Variants in SMARCC1 observed in about 807,000 individuals in gnomAD.
SMARCC1 encodes SWI/SNF complex subunit SMARCC1.
In SMARCC1, 43 loss-of-function variants were observed where a neutral mutation model predicts 147.4. That is an observed-to-expected ratio of 0.29 (90% confidence interval 0.23 to 0.38). The LOEUF is 0.38. Among genes scored for constraint, SMARCC1 ranks in the 10% least tolerant of loss-of-function variants. The pLI, the probability that SMARCC1 is intolerant of heterozygous loss-of-function variation, is 1.00. For synonymous variants in SMARCC1, 495 were observed against 484.4 expected, an observed-to-expected ratio of 1.02 and a Z score of -0.29; for missense variants, 1,119 against 1,381.1, an observed-to-expected ratio of 0.81 and a Z score of 3.01.
At position 47,635,989 on chromosome 3, in the gene SMARCC1, CATA is replaced by C. The variant is rs780452506; in HGVS notation, c.2491+30_2491+32del. ...TTCTCCAGTGCCTTTTACAGTTTTA[CATA>C]ATAATATCTAAGGAGTTTCCTCAAA... is the stretch of plus-strand genomic sequence containing the variant. On this transcript the variant is annotated intron_variant, in intron 23 of 27. Coordinates refer to ENST00000254480, the MANE Select transcript of SMARCC1 (RefSeq NM_003074.4). The C allele has an allele frequency of 2.0e-4, 208 of 1,022,696 alleles. 1 individual carries two copies. In the East Asian group the frequency reaches 4.6e-3, roughly 23 times the overall value. 63.4% of individuals were successfully genotyped at this position (1,022,696 alleles called of 1,614,324 possible).
chr3:47,694,286 G>T (rs931232644), intron 11 of SMARCC1, among the ~76,000 whole-genome samples: 1 of 152,130 alleles, frequency 6.6e-6, no homozygotes, highest in East Asian at 1.9e-4. Context: ...GCAACTAGAG[G>T]TACACATTTT....
At chr3:47,740,482 A>C (rs1007633946) in intron 3 of SMARCC1, among the ~76,000 whole-genome samples, 1 of 151,636 alleles carries the variant, frequency 6.6e-6, no homozygotes, top group Non-Finnish European at 1.5e-5. Context: ...GGTGTGAGCC[A>C]CTATGCCTGG....
chr3:47,634,389 A>T (rs1381812523), intron 24 of SMARCC1, among the ~76,000 whole-genome samples: 1 of 152,228 alleles, frequency 6.6e-6, no homozygotes, highest in African/African-American at 2.4e-5. Context: ...TTAAACACTT[A>T]GAGAAGTAGT....
intron 8 of SMARCC1, 23 bp from the exon 9 acceptor site, chr3:47,710,831 A>G (rs748400604): frequency 6.3e-6 from 10 of 1,582,120 alleles, no homozygotes; most frequent in South Asian, 1.2e-5. Flanking sequence ...CAAAGCATCA[A>G]TATCTACATA....
intron 2 of SMARCC1, among the ~76,000 whole-genome samples, chr3:47,765,492 T>C (rs947103535): frequency 6.6e-6 from 1 of 152,068 alleles, no homozygotes; most frequent in African/African-American, 2.4e-5. Context: ...AACTAAACCA[T>C]TATTCCACAA....
chr3:47,600,485 T>C (rs553730141), intron 26 of SMARCC1, among the ~76,000 whole-genome samples: 1 of 152,144 alleles, frequency 6.6e-6, no homozygotes, highest in Non-Finnish European at 1.5e-5. Context: ...AGTAAGATGA[T>C]GGTAAGGGCC....
intron 26 of SMARCC1, among the ~76,000 whole-genome samples, chr3:47,599,146 G>A (rs568108739): frequency 1.3e-5 from 2 of 152,148 alleles, no homozygotes; most frequent in South Asian, 2.1e-4. Flanking sequence ...CAGCACTTTG[G>A]GGGGCTGAGG....
chr3:47,754,207 CTTTT>C (rs35175630), intron 2 of SMARCC1, among the ~76,000 whole-genome samples: 1 of 144,792 alleles, frequency 6.9e-6, no homozygotes. Flanking sequence ...GAACTTTACT[CTTTT>C]TTTTTTTTTT....
At chr3:47,699,577 T>C (rs999347186) in intron 11 of SMARCC1, among the ~76,000 whole-genome samples, 4 of 152,092 alleles carry the variant, frequency 2.6e-5, no homozygotes, top group African/African-American at 9.7e-5. Flanking sequence ...CATATGTATA[T>C]TGCCCTATAT....
At chr3:47,602,042 G>C (rs975750218) in intron 26 of SMARCC1, among the ~76,000 whole-genome samples, 1 of 152,038 alleles carries the variant, frequency 6.6e-6, no homozygotes, top group Non-Finnish European at 1.5e-5. Flanking sequence ...GAGTCCAGGG[G>C]TGGGTTAGAA....
At chr3:47,615,487 T>G (rs2032627908) in intron 25 of SMARCC1, among the ~76,000 whole-genome samples, 1 of 152,208 alleles carries the variant, frequency 6.6e-6, no homozygotes, top group African/African-American at 2.4e-5. Flanking sequence ...CCAGGAATCT[T>G]ACCTTGATAA....
intron 16 of SMARCC1, 51 bp from the exon 17 acceptor site, chr3:47,676,833 C>A (rs1376302952): frequency 1.3e-6 from 2 of 1,491,524 alleles, no homozygotes; most frequent in Admixed American, 3.5e-5. Context: ...ACTTCATGTG[C>A]TTTTACTATC....
At chr3:47,685,940 G>T in intron 14 of SMARCC1, 109 bp downstream of exon 14, 1 of 815,894 alleles carries the variant, frequency 1.2e-6, no homozygotes, top group Non-Finnish European at 2.0e-6. Flanking sequence ...TTCATCCAAA[G>T]TGATAGTAAT....
chr3:47,676,812 C>A lies in SMARCC1; in HGVS notation c.1572-30G>T, dbSNP rs367894028. 10 of 1,600,706 alleles carry A rather than the reference C, an allele frequency of 6.2e-6. No individual in the cohort carries two copies. In the African/African-American group the frequency reaches 1.1e-4, roughly 17 times the overall value. The stretch of plus-strand genomic sequence containing the variant: ...AGAATAAAGCTCGGAAAGTTAAAAT[C>A]TAAAGAATCAACTTCATGTGCTTTT... On this transcript the variant is annotated intron_variant, in intron 16 of 27. Coordinates refer to ENST00000254480, the MANE Select transcript of SMARCC1 (RefSeq NM_003074.4).
rs974171814 is a variant in SMARCC1 at position 47,723,682 on chromosome 3, G to A, written c.647-2947C>T. 5.9e-5 allele frequency among the ~76,000 whole-genome samples: 9 copies of A among 151,888 alleles called. No homozygotes were observed. In the East Asian group the frequency reaches 1.4e-3, roughly 23 times the overall value. On this transcript the variant is annotated intron_variant, in intron 6 of 27. Coordinates refer to ENST00000254480, the MANE Select transcript of SMARCC1 (RefSeq NM_003074.4). Reference sequence around the variant, plus strand: ...ACAAAAATTAGCTGGGCATGGTGGCGGGGGCCTGTAATCCCAGCTACTTGA... The same window carrying A: ...ACAAAAATTAGCTGGGCATGGTGGCAGGGGCCTGTAATCCCAGCTACTTGA...
chr3:47,736,779 C>T (rs952531055), intron 4 of SMARCC1, among the ~76,000 whole-genome samples: 44 of 152,022 alleles, frequency 2.9e-4, no homozygotes, highest in African/African-American at 1.0e-3. Context: ...AAAACCCTCA[C>T]CCAACAAACA....
chr3:47,674,083 T>C (rs1169606117), intron 18 of SMARCC1, among the ~76,000 whole-genome samples: 1 of 152,266 alleles, frequency 6.6e-6, no homozygotes. Context: ...TTTTGTCATG[T>C]TTCTAAATAA....
intron 2 of SMARCC1, among the ~76,000 whole-genome samples, chr3:47,759,514 G>A (rs1035815249): frequency 2.7e-5 from 4 of 149,134 alleles, no homozygotes; most frequent in African/African-American, 7.4e-5. Context: ...CCAGCTACTC[G>A]GGAGGCTGAG....
intron 12 of SMARCC1, among the ~76,000 whole-genome samples, chr3:47,691,540 G>A (rs1432691167): frequency 6.6e-6 from 1 of 152,104 alleles, no homozygotes; most frequent in African/African-American, 2.4e-5. Context: ...CTTGAACCTG[G>A]GAAGTGGAGG....
Sources: gnomAD v4.1 joint callset for allele counts (sites outside exome capture counted in the v4.1 genomes callset) on GRCh38, gnomAD v4.1.1 for gene constraint, MANE v1.5 for transcripts, NCBI Gene and HGNC (gene_info 2026-07-23, HGNC 2026-07-21) for gene names.